The following PCDH9 variants were observed in gnomAD, a reference collection of about 807,000 sequenced individuals.
PCDH9 encodes protocadherin 9.
Under a neutral mutation model 70.6 loss-of-function variants are expected in PCDH9, and 24 were observed. The ratio of observed to expected loss-of-function variants is 0.34; its 90% confidence interval spans 0.25 to 0.48. The LOEUF (loss-of-function observed/expected upper bound fraction) is 0.48, where lower values mean the gene tolerates loss of function less well. PCDH9 is among the 20% of genes least tolerant of loss of function. The probability of loss-of-function intolerance (pLI) is 0.99; values close to 1 mark genes in which losing one functional copy is unlikely to be tolerated. For synonymous variants in PCDH9, 562 were observed against 558.5 expected (o/e 1.01, Z -0.09); for missense variants, 1,281 against 1,503.6 (o/e 0.85, Z 2.45).
intron 4 of PCDH9, among the ~76,000 whole-genome samples, chr13:66,615,104 C>T (rs137986421): frequency 9.9e-5 from 15 of 152,198 alleles, no homozygotes; most frequent in South Asian, 8.3e-4. Context: ...AAATTGTGGG[C>T]GCTAAGAACA....
intron 3 of PCDH9, among the ~76,000 whole-genome samples, chr13:66,837,002 C>T (rs2081033051): frequency 1.3e-5 from 2 of 152,140 alleles, no homozygotes; most frequent in African/African-American, 2.4e-5. Flanking sequence ...AATCAGCACC[C>T]TCCCCATCAC....
At chr13:66,876,872 G>A (rs1424873918) in intron 3 of PCDH9, 1 of 151,924 alleles carries the variant, frequency 6.6e-6, no homozygotes, top group Non-Finnish European at 1.5e-5. Context: ...TATTGTCCAG[G>A]AAATCAGACA....
chr13:66,366,719 C>G (rs1019591488), intron 4 of PCDH9, among the ~76,000 whole-genome samples: 1 of 151,924 alleles, frequency 6.6e-6, no homozygotes, highest in Admixed American at 6.6e-5. Flanking sequence ...GTGTACAGAG[C>G]TCCTAGACAC....
chr13:66,414,483 G>A (rs775024822), intron 4 of PCDH9, among the ~76,000 whole-genome samples: 73 of 152,316 alleles, frequency 4.8e-4, no homozygotes, highest in Non-Finnish European at 9.8e-4. Flanking sequence ...AGCTTAGGAA[G>A]TATGGATTGC....
intron 3 of PCDH9, among the ~76,000 whole-genome samples, chr13:66,678,782 A>C (rs2078277984): frequency 6.6e-6 from 1 of 151,946 alleles, no homozygotes. Flanking sequence ...AAAATCTCAA[A>C]GAATTCCCTA....
intron 4 of PCDH9, among the ~76,000 whole-genome samples, chr13:66,438,930 T>C (rs1957925553): frequency 6.6e-6 from 1 of 152,212 alleles, no homozygotes; most frequent in Non-Finnish European, 1.5e-5. Context: ...TAGGAAAGGA[T>C]AGGAGTTCTT....
At chr13:66,762,870 AAATTT>A (rs1346253890) in intron 3 of PCDH9, among the ~76,000 whole-genome samples, 4 of 152,080 alleles carry the variant, frequency 2.6e-5, no homozygotes, top group Admixed American at 1.3e-4. Context: ...CAGAGAAAAA[AAATTT>A]AATTTATATA....
At chr13:67,112,723 C>G (rs1249152425) in intron 2 of PCDH9, among the ~76,000 whole-genome samples, 1 of 149,496 alleles carries the variant, frequency 6.7e-6, no homozygotes, top group Non-Finnish European at 1.5e-5. Context: ...TCCTTCTTTC[C>G]TTCTTTCCTT....
intron 3 of PCDH9, among the ~76,000 whole-genome samples, chr13:66,735,395 C>T (rs2079133182): frequency 6.6e-6 from 1 of 152,066 alleles, no homozygotes; most frequent in Admixed American, 6.6e-5. Flanking sequence ...ATTGGGTACA[C>T]TTTGTTCACA....
intron 4 of PCDH9, among the ~76,000 whole-genome samples, chr13:66,622,250 C>G (rs945369012): frequency 2.0e-5 from 3 of 152,196 alleles, no homozygotes; most frequent in African/African-American, 7.2e-5. Flanking sequence ...GGCTCCTGTG[C>G]GGCCGAGGAG....
intron 4 of PCDH9, among the ~76,000 whole-genome samples, chr13:66,407,292 C>T (rs778725418): frequency 3.9e-5 from 6 of 152,210 alleles, no homozygotes; most frequent in South Asian, 2.1e-4. Context: ...CTTAGGAATG[C>T]TCCCTGACAG....
At chr13:67,067,113 T>C (rs917163267) in intron 2 of PCDH9, among the ~76,000 whole-genome samples, 2 of 152,134 alleles carry the variant, frequency 1.3e-5, no homozygotes, top group Non-Finnish European at 2.9e-5. Context: ...CCAAGAATTT[T>C]AGCTGAAATT....
chr13:66,932,659 CATAT>C lies in PCDH9; in HGVS notation c.3037-29058_3037-29055del, dbSNP rs199791250. 3.2e-3 allele frequency among the ~76,000 whole-genome samples: 413 copies of C among 130,152 alleles called. 5 individuals carry two copies. Among genetic ancestry groups the C allele is most frequent in the South Asian group, 0.013 (54 of 4,096 alleles). 85.4% of individuals were successfully genotyped at this position (130,152 alleles called of 152,430 possible). Reference sequence around the variant, plus strand: ...CTAGGCTTAAATGTGTAAATCCTCACATATATATATATATATATATATACACACA... The same window carrying C: ...CTAGGCTTAAATGTGTAAATCCTCACATATATATATATATATATACACACA... On this transcript the variant is annotated intron_variant, in intron 2 of 4. Coordinates refer to ENST00000377865, the MANE Select transcript of PCDH9 (RefSeq NM_203487.3).
At chr13:66,589,172 C>T (rs536913117) in intron 4 of PCDH9, among the ~76,000 whole-genome samples, 55 of 152,010 alleles carry the variant, frequency 3.6e-4, no homozygotes, top group African/African-American at 1.3e-3. Context: ...AAAATGTTTC[C>T]GTACCTACAT....
chr13:66,337,442 G>T (rs1956055080), intron 4 of PCDH9, among the ~76,000 whole-genome samples: 2 of 152,020 alleles, frequency 1.3e-5, no homozygotes, highest in Admixed American at 6.6e-5. Context: ...GGTGATTGAG[G>T]TATGAGAGTA....
intron 4 of PCDH9, among the ~76,000 whole-genome samples, chr13:66,598,249 T>C (rs1278065498): frequency 6.6e-6 from 1 of 151,656 alleles, no homozygotes; most frequent in Non-Finnish European, 1.5e-5. Context: ...TCCAGAAAAA[T>C]TGAATTTAAG....
In PCDH9 at chr13:66,560,129, AC is replaced by A. The variant is rs756409992; in HGVS notation, c.3340+71080del. On this transcript the variant is annotated intron_variant, in intron 4 of 4. Coordinates refer to ENST00000377865, the MANE Select transcript of PCDH9 (RefSeq NM_203487.3). ...TGGACCACAGAAGAATGAGCCTTCA[AC>A]CCGAACACTTCCTTACCAACAGATA... Among the ~76,000 whole-genome samples, 232 of 152,132 alleles carry A rather than the reference AC, an allele frequency of 1.5e-3. 3 individuals carry two copies. Among genetic ancestry groups the A allele is most frequent in the Non-Finnish European group, 2.7e-3 (181 of 68,036 alleles).
At chr13:67,077,392 A>G (rs955451883) in intron 2 of PCDH9, among the ~76,000 whole-genome samples, 2 of 151,934 alleles carry the variant, frequency 1.3e-5, no homozygotes, top group African/African-American at 4.8e-5. Flanking sequence ...TTCAACCATC[A>G]TTTTGCTGAG....
chr13:66,496,989 C>T (rs1959127200), intron 4 of PCDH9, among the ~76,000 whole-genome samples: 1 of 152,096 alleles, frequency 6.6e-6, no homozygotes, highest in African/African-American at 2.4e-5. Flanking sequence ...TATTTTCCTC[C>T]CGACCCCTAA....
Sources: gnomAD v4.1 joint callset for allele counts (sites outside exome capture counted in the v4.1 genomes callset) on GRCh38, gnomAD v4.1.1 for gene constraint, MANE v1.5 for transcripts, NCBI Gene and HGNC (gene_info 2026-07-23, HGNC 2026-07-21) for gene names.